The following OVCH1 variants were observed in gnomAD, a reference collection of about 807,000 sequenced individuals.
The protein encoded by OVCH1 is ovochymase-1.
Under a neutral mutation model 138.4 loss-of-function variants are expected in OVCH1, and 139 were observed. That is an observed-to-expected ratio of 1.00 (90% CI 0.87 to 1.16). The LOEUF is 1.16. OVCH1 is among the 50% of genes most tolerant of loss of function. OVCH1 has a pLI of 0.00. For missense variants in OVCH1, 1,367 were observed against 1,357.9 expected (o/e 1.01, Z -0.11); for synonymous variants, 453 against 467.8 (o/e 0.97, Z 0.41).
intron 14 of OVCH1, among the ~76,000 whole-genome samples, 197 bp downstream of exon 14, chr12:29,474,864 T>C (rs1015127240): frequency 1.2e-4 from 19 of 152,192 alleles, no homozygotes; most frequent in African/African-American, 4.6e-4. Context: ...ACTGAGGTGC[T>C]TCCTAAAGCA....
At chr12:29,466,105 G>A (rs1364247898) in intron 16 of OVCH1, among the ~76,000 whole-genome samples, 1 of 127,118 alleles carries the variant, frequency 7.9e-6, no homozygotes, top group African/African-American at 2.9e-5. Context: ...TGTGGGGTGG[G>A]GGGAGGGGGG....
At position 29,477,169 on chromosome 12, in the gene OVCH1, G is replaced by A. The variant is rs115237496; in HGVS notation, c.1310C>T (p.Pro437Leu). ...CCTTGTGTTACTGGGATACAAATCA[G>A]GATACTTGGCAGAGTGATTTGTCCC... The change falls in exon 12 of 28, where the codon CCT (proline) becomes CTT (leucine). Residue 437 changes from proline (P) to leucine (L), a missense_variant. Transcript: ENST00000318184. The A allele has an allele frequency of 1.5e-3, 2,372 of 1,613,592 alleles. 12 individuals carry two copies. The highest frequency in any genetic ancestry group is 7.0e-3 in the African/African-American group (525 of 75,008).
intron 3 of OVCH1, among the ~76,000 whole-genome samples, chr12:29,495,924 AACC>A (rs1308331921): frequency 6.6e-6 from 1 of 152,214 alleles, no homozygotes; most frequent in Non-Finnish European, 1.5e-5. Flanking sequence ...TACAGTAAGT[AACC>A]ACCACCTCTA....
chr12:29,495,640 G>A (rs1393505876), intron 3 of OVCH1, among the ~76,000 whole-genome samples, 183 bp from the exon 4 acceptor site: 1 of 151,954 alleles, frequency 6.6e-6, no homozygotes, highest in Admixed American at 6.6e-5. Context: ...AAAAATCGTA[G>A]TTTTCAGTCA....
chr12:29,457,880 C>G (rs1825417242), intron 19 of OVCH1, among the ~76,000 whole-genome samples: 1 of 152,066 alleles, frequency 6.6e-6, no homozygotes, highest in Admixed American at 6.6e-5. Context: ...TATGTGTATA[C>G]AGTTTCAATA....
intron 3 of OVCH1, among the ~76,000 whole-genome samples, chr12:29,412,986 A>G (rs567954388): frequency 1.4e-5 from 2 of 145,992 alleles, no homozygotes; most frequent in Admixed American, 7.2e-5. Context: ...ACTAACTAGT[A>G]TAATACTACT....
chr12:29,481,924 A>G (rs573316202), intron 8 of OVCH1, among the ~76,000 whole-genome samples: 2 of 152,210 alleles, frequency 1.3e-5, no homozygotes, highest in Non-Finnish European at 2.9e-5. Context: ...ACCACTCTTC[A>G]CCACCTCTAC....
chr12:29,402,625 G>A, the OVCH1 span, among the ~76,000 whole-genome samples: 1 of 151,780 alleles, frequency 6.6e-6, no homozygotes, highest in Non-Finnish European at 1.5e-5. Context: ...ATTTGGAAGA[G>A]TATAAGAGAT....
chr12:29,490,908 G>A (rs1356459483), intron 5 of OVCH1, among the ~76,000 whole-genome samples, 189 bp downstream of exon 5: 1 of 152,182 alleles, frequency 6.6e-6, no homozygotes, highest in Non-Finnish European at 1.5e-5. Context: ...GCAGCAGCAG[G>A]AGTGATATGA....
intron 8 of OVCH1, chr12:29,478,947 C>A: frequency 2.1e-6 from 3 of 1,428,964 alleles, no homozygotes; most frequent in African/African-American, 1.4e-5. Flanking sequence ...CTTCTGGTAC[C>A]ATTATTTTCC....
At chr12:29,427,645 T>C in exon 28 of OVCH1, 1 of 1,550,780 alleles carries the variant, frequency 6.4e-7, no homozygotes, top group Non-Finnish European at 8.7e-7. Context: ...TCAGCCTCCA[T>C]ACTGTGAGAA....
chr12:29,480,183 C>T (rs988271493), intron 8 of OVCH1, among the ~76,000 whole-genome samples: 4 of 152,074 alleles, frequency 2.6e-5, no homozygotes, highest in African/African-American at 7.2e-5. Flanking sequence ...TAAATATAAG[C>T]TGTCTAAAAT....
chr12:29,476,755 GCACACACACACACACACACACACACACA>G (rs548409739), intron 12 of OVCH1, among the ~76,000 whole-genome samples: 1,310 of 103,412 alleles, frequency 0.013, 17 homozygotes, highest in Middle Eastern at 0.035. Context: ...ACACACGCGC[GCACACACACACACACACACACACACACA>G]CACACACACA....
At chr12:29,489,547 T>C in intron 6 of OVCH1, 73 bp downstream of exon 6, 2 of 1,444,318 alleles carry the variant, frequency 1.4e-6, no homozygotes, top group East Asian at 2.5e-5. Flanking sequence ...AACATGAGCT[T>C]CTTTTGGGGA....
chr12:29,494,362 C>T (rs961809729), intron 4 of OVCH1, among the ~76,000 whole-genome samples: 7 of 152,070 alleles, frequency 4.6e-5, no homozygotes, highest in African/African-American at 1.7e-4. Context: ...AAAAAGGGGG[C>T]TTTTAGTATT....
intron 16 of OVCH1, among the ~76,000 whole-genome samples, chr12:29,471,397 C>A (rs1485777998): frequency 6.6e-6 from 1 of 152,102 alleles, no homozygotes; most frequent in Admixed American, 6.6e-5. Context: ...TGGAAGGTGG[C>A]TTGTGTGGTA....
At chr12:29,443,064 T>C (rs538986197) in intron 25 of OVCH1, among the ~76,000 whole-genome samples, 2 of 152,284 alleles carry the variant, frequency 1.3e-5, no homozygotes, top group Non-Finnish European at 2.9e-5. Flanking sequence ...CTTAATTTTC[T>C]TGTGTTTTTG....
intron 8 of OVCH1, among the ~76,000 whole-genome samples, chr12:29,479,815 CTTTT>C (rs927619162): frequency 2.4e-5 from 3 of 126,824 alleles, no homozygotes; most frequent in Admixed American, 8.1e-5. Flanking sequence ...ATTGGCAACT[CTTTT>C]TTTTCTTTTT....
chr12:29,417,174 G>A (rs1395411901), intron 3 of OVCH1, among the ~76,000 whole-genome samples: 3 of 152,128 alleles, frequency 2.0e-5, no homozygotes, highest in African/African-American at 7.2e-5. Flanking sequence ...ATCTGGGAAA[G>A]GGTGAAGTGG....
Sources: gnomAD v4.1 joint callset for allele counts (sites outside exome capture counted in the v4.1 genomes callset) on GRCh38, gnomAD v4.1.1 for gene constraint, MANE v1.5 for transcripts, NCBI Gene and HGNC (gene_info 2026-07-23, HGNC 2026-07-21) for gene names.